KIF13B: variants seen among roughly 807,000 people sequenced by gnomAD.
KIF13B encodes the protein kinesin-like protein KIF13B.
In KIF13B, 127 loss-of-function variants were observed where a neutral mutation model predicts 222.0. The observed-to-expected ratio is 0.57, with a 90% CI of 0.50 to 0.66. KIF13B has a LOEUF of 0.66. Ranked by LOEUF, KIF13B falls within the 30% of genes least tolerant of loss-of-function variation. The pLI, the probability that KIF13B is intolerant of heterozygous loss-of-function variation, is 0.00. For synonymous variants in KIF13B, 976 were observed against 919.0 expected, an observed-to-expected ratio of 1.06 and a Z score of -1.12; for missense variants, 2,173 against 2,379.0, an observed-to-expected ratio of 0.91 and a Z score of 1.80.
chr8:29,117,197 T>C (rs1362754089), intron 30 of KIF13B, among the ~76,000 whole-genome samples, 190 bp from the exon 31 acceptor site: 2 of 152,184 alleles, frequency 1.3e-5, no homozygotes, highest in African/African-American at 2.4e-5. Context: ...CTGAAAAGTA[T>C]AGAGCATGAT....
intron 37 of KIF13B, among the ~76,000 whole-genome samples, chr8:29,088,136 G>A (rs905797555): frequency 1.2e-4 from 18 of 151,574 alleles, no homozygotes; most frequent in African/African-American, 3.9e-4. Flanking sequence ...CATGGTGGCG[G>A]GCGCCTGTAA....
intron 37 of KIF13B, among the ~76,000 whole-genome samples, chr8:29,086,291 T>A (rs1423957248): frequency 6.6e-6 from 1 of 152,142 alleles, no homozygotes; most frequent in Non-Finnish European, 1.5e-5. Context: ...AAGTTTTAAG[T>A]CTCCAAGCTA....
At chr8:29,104,341 C>T (rs998118676) in intron 35 of KIF13B, among the ~76,000 whole-genome samples, 2 of 152,134 alleles carry the variant, frequency 1.3e-5, no homozygotes, top group African/African-American at 4.8e-5. Flanking sequence ...CAAGTCCCCT[C>T]ACTCCAGCCC....
chr8:29,195,765 G>A (rs577668285), intron 3 of KIF13B, among the ~76,000 whole-genome samples: 5 of 152,320 alleles, frequency 3.3e-5, no homozygotes, highest in South Asian at 2.1e-4. Context: ...AGGATGAGTC[G>A]GTTTTGACCG....
chr8:29,111,558 A>G (rs1809355285), intron 32 of KIF13B, among the ~76,000 whole-genome samples: 1 of 152,398 alleles, frequency 6.6e-6, no homozygotes, highest in Admixed American at 6.5e-5. Flanking sequence ...TTAGCTAACT[A>G]ACAGCAAATT....
At chr8:29,186,501 T>C in intron 5 of KIF13B, 29 bp from the exon 6 acceptor site, 2 of 1,579,068 alleles carry the variant, frequency 1.3e-6, no homozygotes, top group Non-Finnish European at 1.7e-6. Context: ...GAGTTACTAT[T>C]GTCTCTTTGA....
chr8:29,258,607 G>A (rs1269791484), intron 1 of KIF13B, among the ~76,000 whole-genome samples: 3 of 152,080 alleles, frequency 2.0e-5, no homozygotes, highest in Non-Finnish European at 4.4e-5. Context: ...CATCTCTGCT[G>A]CCTAAACCTG....
At chr8:29,233,951 T>A (rs1339805436) in intron 2 of KIF13B, among the ~76,000 whole-genome samples, 1 of 152,174 alleles carries the variant, frequency 6.6e-6, no homozygotes, top group Non-Finnish European at 1.5e-5. Flanking sequence ...CAGTTAAGAG[T>A]TAGCACTTTA....
At chr8:29,236,507 C>T (rs1004180099) in intron 2 of KIF13B, among the ~76,000 whole-genome samples, 3 of 152,162 alleles carry the variant, frequency 2.0e-5, no homozygotes, top group Admixed American at 6.5e-5. Context: ...AAAACTTTTA[C>T]ATATTCGATG....
Position 29,071,933 on chromosome 8 carries a change from G to A in KIF13B, c.4905C>T (p.Pro1635=), listed in dbSNP as rs1184195305. The A allele has an allele frequency of 2.3e-5, 33 of 1,410,160 alleles. 1 individual carries two copies. The South Asian group carries it at 3.7e-4, about 16-fold the overall frequency. The allele number at this position is 1,410,160 out of a possible 1,614,324, so 87.4% of individuals were successfully genotyped here. ...QQLVSPGRER[P]DLEAPAPGSP... ...AGCCGGGCGCCGGGGCCTCGAGGTCGGGGCGCTCCCGACCGGGGCTCACGA... is the reference window on the plus strand; with the variant it reads ...AGCCGGGCGCCGGGGCCTCGAGGTCAGGGCGCTCCCGACCGGGGCTCACGA... The change falls in exon 39 of 40, where the codon CCC becomes CCT. Residue 1635 remains proline, a synonymous_variant. Transcript: ENST00000524189. This position sits in a 1 kb window ranked among gnomAD's most constrained non-coding sequence, Gnocchi z 4.9.
chr8:29,087,874 C>T (rs764624841), intron 37 of KIF13B, among the ~76,000 whole-genome samples: 4 of 151,880 alleles, frequency 2.6e-5, no homozygotes, highest in Non-Finnish European at 5.9e-5. Context: ...TGCACTCCAG[C>T]CTGGGCAACA....
At chr8:29,091,745 G>A (rs1255710800) in intron 37 of KIF13B, among the ~76,000 whole-genome samples, 3 of 152,276 alleles carry the variant, frequency 2.0e-5, no homozygotes, top group South Asian at 4.1e-4. Context: ...CACAGGACTT[G>A]GCTCCTGCAG....
intron 1 of KIF13B, among the ~76,000 whole-genome samples, chr8:29,255,833 G>A (rs78727005): frequency 6.6e-6 from 1 of 152,016 alleles, no homozygotes; most frequent in Non-Finnish European, 1.5e-5. Flanking sequence ...ACATGTGATT[G>A]CTTTCACCTT....
intron 2 of KIF13B, among the ~76,000 whole-genome samples, chr8:29,216,798 CCTGAGA>C (rs1476763585): frequency 1.3e-5 from 2 of 152,000 alleles, no homozygotes; most frequent in East Asian, 3.9e-4. Context: ...AAGTGGGCAG[CCTGAGA>C]CTGGGCTATG....
At chr8:29,241,145 G>A (rs905532323) in intron 2 of KIF13B, among the ~76,000 whole-genome samples, 10 of 152,166 alleles carry the variant, frequency 6.6e-5, no homozygotes, top group African/African-American at 2.2e-4. Context: ...TAAATGCTAC[G>A]AAGTGGATAA....
intron 23 of KIF13B, among the ~76,000 whole-genome samples, 173 bp downstream of exon 23, chr8:29,132,135 A>C (rs1448201482): frequency 6.6e-6 from 1 of 152,156 alleles, no homozygotes; most frequent in Non-Finnish European, 1.5e-5. Context: ...AATCCCAGCT[A>C]TTCAGGAGGC....
At position 29,247,581 on chromosome 8, in the gene KIF13B, G is replaced by A. The variant is rs150081540; in HGVS notation, c.56-2142C>T. Reference sequence around the variant, plus strand: ...CAATGGCTCACGCCTGTAATCCCAAGACTTTGAGAGACCAAATTGGGAGGA... The same window carrying A: ...CAATGGCTCACGCCTGTAATCCCAAAACTTTGAGAGACCAAATTGGGAGGA... On this transcript the variant is annotated intron_variant, in intron 1 of 39. Transcript: ENST00000524189. Among the ~76,000 whole-genome samples the A allele has an allele frequency of 8.8e-3, 1,339 of 152,076 alleles. 2 individuals are homozygous for A. Among genetic ancestry groups the A allele is most frequent in the Middle Eastern group, 0.024 (7 of 294 alleles).
At chr8:29,258,413 C>T (rs1230430172) in intron 1 of KIF13B, among the ~76,000 whole-genome samples, 3 of 152,138 alleles carry the variant, frequency 2.0e-5, no homozygotes, top group Non-Finnish European at 4.4e-5. Context: ...AATCTTTCCC[C>T]GTTGTGTTTG....
At chr8:29,211,813 T>C (rs546868765) in intron 2 of KIF13B, among the ~76,000 whole-genome samples, 73 of 152,350 alleles carry the variant, frequency 4.8e-4, no homozygotes, top group Admixed American at 1.5e-3. Context: ...CTACAATTGC[T>C]AATTTCTAAT....
Sources: gnomAD v4.1 joint callset for allele counts (sites outside exome capture counted in the v4.1 genomes callset) on GRCh38, gnomAD v4.1.1 for gene constraint, Gnocchi (gnomAD v3.1) non-coding constraint, MANE v1.5 for transcripts, NCBI Gene and HGNC (gene_info 2026-07-23, HGNC 2026-07-21) for gene names.